FSTL5: variants seen among roughly 807,000 people sequenced by gnomAD.
FSTL5 encodes the protein follistatin like 5.
FSTL5 carries 62 observed loss-of-function variants against 89.1 expected under a neutral mutation model. The ratio of observed to expected loss-of-function variants is 0.70; its 90% CI spans 0.57 to 0.86. The LOEUF (loss-of-function observed/expected upper bound fraction) is 0.86. Ranked by LOEUF, FSTL5 falls within the 40% of genes least tolerant of loss-of-function variation. FSTL5 has a pLI of 0.00. For synonymous variants in FSTL5, 383 were observed against 346.2 expected (o/e 1.11, Z -1.18); for missense variants, 1,057 against 1,001.6 (o/e 1.06, Z -0.75).
rs7688869 is a variant in FSTL5, at chr4:162,032,304, A to G, written c.160+1321T>C. ...GCATACTCAGTAAGTTTAAATGCAT[A>G]TATCATTCAAATGCACATCATACAG... is the stretch of plus-strand genomic sequence containing the variant. On this transcript the variant is annotated intron_variant, in intron 3 of 15. Transcript: ENST00000306100. Among the ~76,000 whole-genome samples, 1,410 of 152,302 alleles carry G rather than the reference A, an allele frequency of 9.3e-3. 27 individuals carry two copies. The highest frequency in any genetic ancestry group is 0.032 in the African/African-American group (1,319 of 41,568).
chr4:161,963,962 T>C (rs956766985), intron 3 of FSTL5, among the ~76,000 whole-genome samples: 7 of 151,978 alleles, frequency 4.6e-5, no homozygotes, highest in African/African-American at 1.7e-4. Context: ...ATTCTGAGGT[T>C]ATATACAGAA....
chr4:161,548,432 G>A (rs1486134871), intron 8 of FSTL5, among the ~76,000 whole-genome samples: 2 of 151,838 alleles, frequency 1.3e-5, no homozygotes, highest in Non-Finnish European at 2.9e-5. Flanking sequence ...CACAAAGTTC[G>A]TTAAAGGAAA....
chr4:161,388,779 A>T (rs79738035), intron 15 of FSTL5, among the ~76,000 whole-genome samples: 2,480 of 152,176 alleles, frequency 0.016, 63 homozygotes, highest in African/African-American at 0.056. Context: ...TGAGTCTTCT[A>T]GTCCCTTTAG....
intron 2 of FSTL5, among the ~76,000 whole-genome samples, chr4:162,088,408 A>C (rs1161505579): frequency 2.0e-5 from 3 of 152,064 alleles, no homozygotes; most frequent in Non-Finnish European, 4.4e-5. Flanking sequence ...ATCTATATAT[A>C]TCTAAATATT....
chr4:161,978,254 T>C (rs1735719761), intron 3 of FSTL5, among the ~76,000 whole-genome samples: 1 of 152,214 alleles, frequency 6.6e-6, no homozygotes, highest in African/African-American at 2.4e-5. Context: ...GTATATGTGC[T>C]TTATGTATCT....
chr4:161,509,256 T>A (rs1046723930), intron 11 of FSTL5, among the ~76,000 whole-genome samples: 1 of 152,108 alleles, frequency 6.6e-6, no homozygotes, highest in Non-Finnish European at 1.5e-5. Context: ...TGCGCCGAGA[T>A]CGCGCCGTTG....
intron 4 of FSTL5, among the ~76,000 whole-genome samples, chr4:161,829,641 G>A (rs972219405): frequency 3.3e-5 from 5 of 151,996 alleles, no homozygotes; most frequent in Non-Finnish European, 7.4e-5. Context: ...ACAATAATCT[G>A]TTTGGCTACT....
chr4:161,638,993 G>A (rs1033609533), intron 7 of FSTL5, among the ~76,000 whole-genome samples: 4 of 149,406 alleles, frequency 2.7e-5, no homozygotes, highest in East Asian at 2.0e-4. Context: ...TTGATGGGAC[G>A]TACTTCAAAA....
intron 2 of FSTL5, among the ~76,000 whole-genome samples, chr4:162,077,404 A>C (rs1163416881): frequency 6.6e-6 from 1 of 151,884 alleles, no homozygotes; most frequent in Admixed American, 6.6e-5. Flanking sequence ...AAACCATAGT[A>C]ATATGTCTAA....
intron 2 of FSTL5, among the ~76,000 whole-genome samples, chr4:162,070,230 T>A (rs929265713): frequency 1.3e-5 from 2 of 151,924 alleles, no homozygotes; most frequent in Non-Finnish European, 2.9e-5. Flanking sequence ...TTCTGTTAGA[T>A]GTTGCATTGA....
intron 7 of FSTL5, among the ~76,000 whole-genome samples, chr4:161,598,929 A>G (rs1247800620): frequency 6.6e-6 from 1 of 152,158 alleles, no homozygotes; most frequent in Non-Finnish European, 1.5e-5. Flanking sequence ...GAATTTGGAT[A>G]TTGGATGACA....
chr4:162,076,530 C>T (rs917601604), intron 2 of FSTL5, among the ~76,000 whole-genome samples: 1 of 151,832 alleles, frequency 6.6e-6, no homozygotes, highest in Non-Finnish European at 1.5e-5. Flanking sequence ...GGTAATTCAG[C>T]TGTGAGACAA....
At chr4:161,713,412 G>A (rs1738864589) in intron 6 of FSTL5, among the ~76,000 whole-genome samples, 1 of 152,262 alleles carries the variant, frequency 6.6e-6, no homozygotes, top group African/African-American at 2.4e-5. Context: ...AAAAAGTTGG[G>A]TAACACAAGG....
At chr4:161,822,743 C>T (rs138390615) in intron 4 of FSTL5, among the ~76,000 whole-genome samples, 176 of 152,298 alleles carry the variant, frequency 1.2e-3, no homozygotes, top group African/African-American at 4.1e-3. Context: ...ACTGCTCTTT[C>T]AGGCCCGCAT....
chr4:161,564,060 C>T (rs1350368646), intron 8 of FSTL5, among the ~76,000 whole-genome samples: 1 of 151,808 alleles, frequency 6.6e-6, no homozygotes, highest in East Asian at 1.9e-4. Flanking sequence ...ATTGTCTAGA[C>T]ATTTTATAAA....
At chr4:161,416,130 A>G (rs1395317796) in intron 15 of FSTL5, among the ~76,000 whole-genome samples, 6 of 152,176 alleles carry the variant, frequency 3.9e-5, no homozygotes, top group African/African-American at 1.4e-4. Flanking sequence ...ACTGCAACAC[A>G]TAATTTTGTC....
rs142082403 is a variant in FSTL5, at chr4:161,704,126, G to A, written c.728-47632C>T. On this transcript the variant is annotated intron_variant, in intron 6 of 15. Coordinates refer to ENST00000306100, the MANE Select transcript of FSTL5 (RefSeq NM_020116.5). ...ATTCAAAGTCACCCCTCTGCTCACTGAGATAAATGCATATCTAATTGCCTT... is the reference window on the plus strand; with the variant it reads ...ATTCAAAGTCACCCCTCTGCTCACTAAGATAAATGCATATCTAATTGCCTT... Among the ~76,000 whole-genome samples, 894 of 152,200 alleles carry A rather than the reference G, an allele frequency of 5.9e-3. 13 individuals carry two copies. Among genetic ancestry groups the A allele is most frequent in the South Asian group, 0.047 (225 of 4,830 alleles).
At chr4:161,623,736 A>T (rs1296787712) in intron 7 of FSTL5, among the ~76,000 whole-genome samples, 8 of 151,996 alleles carry the variant, frequency 5.3e-5, no homozygotes, top group Admixed American at 5.2e-4. Context: ...ACTTCAAATC[A>T]GTGATAAATA....
At chr4:161,982,870 C>A (rs1256919907) in intron 3 of FSTL5, among the ~76,000 whole-genome samples, 1 of 152,068 alleles carries the variant, frequency 6.6e-6, no homozygotes, top group Non-Finnish European at 1.5e-5. Flanking sequence ...CCTACAATGT[C>A]TTAGTTATAT....
Sources: allele counts gnomAD v4.1 joint callset (sites outside exome capture counted in the v4.1 genomes callset), GRCh38; gene constraint gnomAD v4.1.1; transcripts MANE v1.5; gene names NCBI Gene and HGNC (gene_info 2026-07-23, HGNC 2026-07-21).